Variants in NFIB observed in about 807,000 individuals in gnomAD.
NFIB encodes nuclear factor 1 B-type.
Under a neutral mutation model 61.5 loss-of-function variants are expected in NFIB, and 11 were observed. That is an observed-to-expected ratio of 0.18 (90% confidence interval 0.11 to 0.30). NFIB has a LOEUF of 0.30. Ranked by LOEUF, NFIB falls within the 10% of genes least tolerant of loss-of-function variation. The pLI is 1.00. For synonymous variants in NFIB, 260 were observed against 216.5 expected, an observed-to-expected ratio of 1.20 and a Z score of -1.76; for missense variants, 471 against 608.9, an observed-to-expected ratio of 0.77 and a Z score of 2.38.
intron 1 of NFIB, among the ~76,000 whole-genome samples, chr9:14,346,179 C>A (rs540681342): frequency 6.6e-6 from 1 of 151,356 alleles, no homozygotes; most frequent in Non-Finnish European, 1.5e-5. Flanking sequence ...AAGAGACTTG[C>A]GGTGGGCGCC....
the NFIB span, among the ~76,000 whole-genome samples, chr9:14,526,495 C>G: frequency 6.6e-6 from 1 of 152,124 alleles, no homozygotes; most frequent in Non-Finnish European, 1.5e-5. Context: ...CTTAGCAGAA[C>G]TTCTTGTGAA....
rs2032243146 is a variant in NFIB, at chr9:14,082,968, T to C, written c.*5341A>G. ...TCCTGGTACTGTATCATGCAATAAG[T>C]CATCAAGGGCTTAGTCTAGTGTACC... On this transcript the variant is annotated 3_prime_UTR_variant, in exon 11 of 11. Coordinates refer to ENST00000380953, the MANE Select transcript of NFIB (RefSeq NM_001190737.2). 1 of 205,976 alleles carries C rather than the reference T, an allele frequency of 4.9e-6. No homozygotes were observed. Among genetic ancestry groups the C allele is most frequent in the Non-Finnish European group, 9.9e-6 (1 of 100,680 alleles). 12.8% of individuals were successfully genotyped at this position (205,976 alleles called of 1,614,324 possible).
the NFIB span, among the ~76,000 whole-genome samples, chr9:14,445,062 G>A: frequency 1.3e-5 from 2 of 152,108 alleles, no homozygotes; most frequent in Non-Finnish European, 2.9e-5. Context: ...CGTCCATGTT[G>A]ATGTGTATAG....
intron 1 of NFIB, among the ~76,000 whole-genome samples, chr9:14,389,454 T>C (rs939931604): frequency 6.6e-6 from 1 of 152,146 alleles, no homozygotes; most frequent in East Asian, 1.9e-4. Flanking sequence ...AAGATATAGA[T>C]TTTTCCTTCA....
At chr9:14,460,076 T>A in the NFIB span, among the ~76,000 whole-genome samples, 1 of 152,152 alleles carries the variant, frequency 6.6e-6, no homozygotes. Flanking sequence ...CACGTATGTT[T>A]ATTGCAGCAC....
the NFIB span, among the ~76,000 whole-genome samples, chr9:14,481,095 G>A: frequency 6.7e-6 from 1 of 149,680 alleles, no homozygotes; most frequent in Non-Finnish European, 1.5e-5. Context: ...GAAGCGCTAG[G>A]CTGTAAACTC....
the NFIB span, among the ~76,000 whole-genome samples, chr9:14,423,156 C>T: frequency 6.6e-6 from 1 of 152,142 alleles, no homozygotes; most frequent in Non-Finnish European, 1.5e-5. Flanking sequence ...GAAAATAATA[C>T]ATACATCATG....
chr9:14,092,428 G>T (rs1262492787), intron 10 of NFIB, among the ~76,000 whole-genome samples: 1 of 151,996 alleles, frequency 6.6e-6, no homozygotes, highest in African/African-American at 2.4e-5. Context: ...TCACATATGA[G>T]GAAACTGAGG....
intron 2 of NFIB, among the ~76,000 whole-genome samples, chr9:14,181,481 G>C (rs755120435): frequency 6.6e-6 from 1 of 152,200 alleles, no homozygotes; most frequent in Admixed American, 6.5e-5. Context: ...ATCAAGGCAA[G>C]ATTCAGTGAC....
the NFIB span, among the ~76,000 whole-genome samples, chr9:14,425,214 C>T: frequency 2.6e-5 from 4 of 152,282 alleles, no homozygotes; most frequent in Admixed American, 2.6e-4. Context: ...TGCTTGAGGC[C>T]AGATAGGTCT....
At chr9:14,187,027 ATGTGTGTGTGTGTGTGTGTG>A (rs71491637) in intron 2 of NFIB, among the ~76,000 whole-genome samples, 3 of 60,964 alleles carry the variant, frequency 4.9e-5, no homozygotes, top group African/African-American at 1.1e-4. Flanking sequence ...GTGTGTGTGT[ATGTGTGTGTGTGTGTGTGTG>A]TGTGTGTGTG....
chr9:14,441,011 G>C, the NFIB span, among the ~76,000 whole-genome samples: 1 of 151,844 alleles, frequency 6.6e-6, no homozygotes, highest in Non-Finnish European at 1.5e-5. Context: ...ATAGATATTA[G>C]GTTTATAAGA....
In NFIB at chr9:14,307,194, G is replaced by A. The variant is rs138487017; in HGVS notation, c.357C>T (p.Asp119=). The change falls in exon 2 of 11, where the codon GAC becomes GAT. Residue 119 remains aspartate (D), a synonymous_variant. Transcript: ENST00000380953. This position sits in a 1 kb window ranked among gnomAD's most constrained non-coding sequence, Gnocchi z 5.3. ...AGACTTTGTCTGCCTGTCGCAGGCA[G>A]TCGATTCTCCTAATCTTACCCTTCT... is the stretch of plus-strand genomic sequence containing the variant. ...PDQKGKIRRI[D]CLRQADKVWR... The A allele has an allele frequency of 6.2e-7, 1 of 1,613,972 alleles. No homozygotes were observed. Among genetic ancestry groups the A allele is most frequent in the Non-Finnish European group, 8.5e-7 (1 of 1,180,032 alleles).
intron 2 of NFIB, among the ~76,000 whole-genome samples, chr9:14,181,935 G>C (rs1209052045): frequency 6.6e-6 from 1 of 152,168 alleles, no homozygotes; most frequent in East Asian, 1.9e-4. Flanking sequence ...AGCATGTTTA[G>C]TTACAGCAAC....
At chr9:14,272,692 C>CAAA (rs61391471) in intron 2 of NFIB, among the ~76,000 whole-genome samples, 12 of 67,228 alleles carry the variant, frequency 1.8e-4, no homozygotes, top group African/African-American at 6.6e-4. Flanking sequence ...TCAATTCTCG[C>CAAA]AAAAAAAAAA....
the NFIB span, among the ~76,000 whole-genome samples, chr9:14,423,454 A>G: frequency 1.3e-5 from 2 of 152,206 alleles, no homozygotes; most frequent in Admixed American, 6.5e-5. Context: ...GTGGCTGCAC[A>G]TGAAATATCA....
At chr9:14,306,308 T>G (rs545955167) in intron 2 of NFIB, among the ~76,000 whole-genome samples, 1 of 152,352 alleles carries the variant, frequency 6.6e-6, no homozygotes, top group Admixed American at 6.5e-5. Context: ...CATTATTAAG[T>G]GTTCCCAAGT....
intron 3 of NFIB, among the ~76,000 whole-genome samples, chr9:14,178,286 T>G (rs1238075087): frequency 6.6e-6 from 1 of 152,176 alleles, no homozygotes; most frequent in Admixed American, 6.5e-5. Context: ...TGAAATATTC[T>G]GAACTTCTGA....
chr9:14,372,589 C>T (rs1241293692), intron 1 of NFIB, among the ~76,000 whole-genome samples: 1 of 151,996 alleles, frequency 6.6e-6, no homozygotes, highest in Non-Finnish European at 1.5e-5. Context: ...CAGTAAGAGA[C>T]ACTAGACAGG....
Sources: gnomAD v4.1 joint callset for allele counts (sites outside exome capture counted in the v4.1 genomes callset) on GRCh38, gnomAD v4.1.1 for gene constraint, Gnocchi (gnomAD v3.1) non-coding constraint, MANE v1.5 for transcripts, NCBI Gene and HGNC (gene_info 2026-07-23, HGNC 2026-07-21) for gene names.